Variants in GLG1 observed in about 807,000 individuals in gnomAD.
GLG1 encodes Golgi apparatus protein 1.
In GLG1, 38 loss-of-function variants were observed where a neutral mutation model predicts 160.5. That is an observed-to-expected ratio of 0.24 (90% CI 0.18 to 0.31). The LOEUF is 0.31. Ranked by LOEUF, GLG1 falls within the 10% of genes least tolerant of loss-of-function variation. GLG1 has a pLI of 1.00. For synonymous variants in GLG1, 644 were observed against 543.4 expected (o/e 1.19, Z -2.57); for missense variants, 1,373 against 1,505.2 (o/e 0.91, Z 1.45).
At chr16:74,596,399 TG>T (rs1166374317) in intron 1 of GLG1, among the ~76,000 whole-genome samples, 4 of 151,370 alleles carry the variant, frequency 2.6e-5, no homozygotes, top group African/African-American at 9.7e-5. Context: ...AGTGGTGGCG[TG>T]TGCCTGTAAA....
intron 1 of GLG1, among the ~76,000 whole-genome samples, chr16:74,548,440 T>C (rs145102812): frequency 0.13 from 20,088 of 152,158 alleles, 1,458 homozygotes; most frequent in Middle Eastern, 0.18. Flanking sequence ...ACACTTATAT[T>C]TAAGAAAGTT....
chr16:74,480,333 C>A lies in GLG1; in HGVS notation c.1735G>T (p.Gly579Cys). The A allele has an allele frequency of 6.2e-7, 1 of 1,613,318 alleles. No homozygotes were observed. The highest frequency in any genetic ancestry group is 1.7e-5 in the Admixed American group (1 of 60,016). ...GDASRLCHTHGWNETSEFMPQ... is the reference protein window; with the variant it reads ...GDASRLCHTHCWNETSEFMPQ... Reference sequence around the variant, plus strand: ...ATAAATTCACTGGTCTCATTCCAACCGTGGGTGTGGCAAAGACGAGAAGCG... The same window carrying A: ...ATAAATTCACTGGTCTCATTCCAACAGTGGGTGTGGCAAAGACGAGAAGCG... The change falls in exon 11 of 26, where the codon GGT becomes TGT. Residue 579 changes from glycine (G) to cysteine (C), a missense_variant. By Grantham distance (159) the Gly-to-Cys change is radical (BLOSUM62 -3). Coordinates refer to ENST00000422840, the MANE Select transcript of GLG1 (RefSeq NM_001145667.2).
intron 1 of GLG1, among the ~76,000 whole-genome samples, chr16:74,589,460 A>C (rs189286609): frequency 4.4e-4 from 67 of 152,310 alleles, no homozygotes; most frequent in African/African-American, 1.6e-3. Flanking sequence ...ATTTTGGTGC[A>C]GCAAATTCCC....
intron 1 of GLG1, among the ~76,000 whole-genome samples, chr16:74,555,549 G>C (rs1387285113): frequency 1.3e-5 from 2 of 151,978 alleles, no homozygotes; most frequent in East Asian, 3.9e-4. Context: ...GATTGGCCAG[G>C]TGTGGTGGTG....
rs554255168 is a variant in GLG1, at chr16:74,545,959, G to A, written c.439-13806C>T. 5.5e-4 allele frequency among the ~76,000 whole-genome samples: 83 copies of A among 152,270 alleles called. 1 individual carries two copies. Among genetic ancestry groups the A allele is most frequent in the Middle Eastern group, 6.8e-3 (2 of 294 alleles). ...TTCAATAACTCAGTTTAAATGTCAT[G>A]CATTTGTCTGAGTTTGTTACTGAAA... is the stretch of plus-strand genomic sequence containing the variant. On this transcript the variant is annotated intron_variant, in intron 1 of 25. Coordinates refer to ENST00000422840, the MANE Select transcript of GLG1 (RefSeq NM_001145667.2).
At chr16:74,469,446 G>A (rs2015119478) in intron 16 of GLG1, 1 of 210,158 alleles carries the variant, frequency 4.8e-6, no homozygotes. Context: ...GAGCAAATTG[G>A]GAATTTGGTT....
chr16:74,565,580 G>A (rs576089931), intron 1 of GLG1, among the ~76,000 whole-genome samples: 1 of 152,280 alleles, frequency 6.6e-6, no homozygotes, highest in East Asian at 1.9e-4. Context: ...GTTCAGATAA[G>A]CCAAAGGCCC....
At chr16:74,471,462 G>A (rs2015205575) in intron 14 of GLG1, among the ~76,000 whole-genome samples, 176 bp from the exon 15 acceptor site, 1 of 152,020 alleles carries the variant, frequency 6.6e-6, no homozygotes, top group South Asian at 2.1e-4. Context: ...ACATTCAGTG[G>A]CATAAAACTA....
At position 74,452,808 on chromosome 16, in the gene GLG1, T is replaced by A. The variant is rs568378428; in HGVS notation, c.*359A>T. ...ATATACATTTTTTTCTTTAAAAAAA[T>A]TTTTTTTTTTGGTGGTTTTCTTAAA... is the stretch of plus-strand genomic sequence containing the variant. On this transcript the variant is annotated 3_prime_UTR_variant, in exon 26 of 26. Coordinates refer to ENST00000422840, the MANE Select transcript of GLG1 (RefSeq NM_001145667.2). The A allele has an allele frequency of 1.8e-3, 1,324 of 732,190 alleles. 6 individuals are homozygous for A. The highest frequency in any genetic ancestry group is 0.012 in the African/African-American group (655 of 52,508). 45.4% of individuals were successfully genotyped at this position (732,190 alleles called of 1,614,324 possible).
At chr16:74,603,515 A>G (rs1958492346) in intron 1 of GLG1, among the ~76,000 whole-genome samples, 1 of 152,094 alleles carries the variant, frequency 6.6e-6, no homozygotes, top group Non-Finnish European at 1.5e-5. Flanking sequence ...AGCTCAAGCA[A>G]TCCTCCTGCC....
chr16:74,551,703 G>A (rs1198663339), intron 1 of GLG1, among the ~76,000 whole-genome samples: 3 of 151,468 alleles, frequency 2.0e-5, no homozygotes, highest in African/African-American at 7.3e-5. Flanking sequence ...ATGGGGGGAG[G>A]GGGACCTGCC....
chr16:74,458,646 C>T (rs979060472), intron 23 of GLG1, among the ~76,000 whole-genome samples: 2 of 152,098 alleles, frequency 1.3e-5, no homozygotes, highest in Non-Finnish European at 2.9e-5. Context: ...TGCACTCCAT[C>T]CTGGGAGACA....
In GLG1 at chr16:74,485,909, T is replaced by C. The variant is rs76382044; in HGVS notation, c.1458A>G (p.Thr486=). 0.025 allele frequency: 40,876 copies of C among 1,609,240 alleles called. 655 individuals are homozygous for C. Among genetic ancestry groups the C allele is most frequent in the South Asian group, 0.036 (3,229 of 90,256 alleles). The change falls in exon 9 of 26, where the codon ACA becomes ACG. Residue 486 remains threonine, a synonymous_variant. Transcript: ENST00000422840. ...LGMNCQQALQ[T]LIQETDPGAD... ...CACCAGGGTCAGTCTCCTGAATCAGTGTTTGAAGCTGAATTAAAATAAATT... is the reference window on the plus strand; with the variant it reads ...CACCAGGGTCAGTCTCCTGAATCAGCGTTTGAAGCTGAATTAAAATAAATT...
intron 1 of GLG1, among the ~76,000 whole-genome samples, chr16:74,585,929 G>T (rs956026624): frequency 6.6e-6 from 1 of 151,334 alleles, no homozygotes; most frequent in Admixed American, 6.6e-5. Flanking sequence ...CAGGTGTAGT[G>T]GCGGGTGCCT....
intron 19 of GLG1, among the ~76,000 whole-genome samples, chr16:74,464,835 T>A (rs1269380951): frequency 3.3e-5 from 5 of 151,730 alleles, no homozygotes; most frequent in South Asian, 2.1e-4. Flanking sequence ...AGTTTAAGTT[T>A]AAAAAAAATT....
chr16:74,454,948 T>C (rs1451055570), intron 25 of GLG1, among the ~76,000 whole-genome samples: 1 of 151,238 alleles, frequency 6.6e-6, no homozygotes, highest in Non-Finnish European at 1.5e-5. Flanking sequence ...CACAAAAAAT[T>C]ATAAAATTAG....
At chr16:74,484,447 T>C (rs752306956) in intron 9 of GLG1, among the ~76,000 whole-genome samples, 3 of 152,020 alleles carry the variant, frequency 2.0e-5, no homozygotes, top group Non-Finnish European at 4.4e-5. Context: ...ATTACAGGTA[T>C]GCGCCACCAA....
Position 74,576,776 on chromosome 16 carries a change from T to C in GLG1, c.438+29881A>G, listed in dbSNP as rs142855491. Among the ~76,000 whole-genome samples the C allele has an allele frequency of 7.9e-4, 121 of 152,214 alleles. 3 individuals carry two copies. In the East Asian group the frequency reaches 0.021, roughly 26 times the overall value. ...ATAATGAAGCCTGCTGAAGAAAAAA[T>C]TTTTATTGTTTTCATTTTAAATATA... On this transcript the variant is annotated intron_variant, in intron 1 of 25. Coordinates refer to ENST00000422840, the MANE Select transcript of GLG1 (RefSeq NM_001145667.2).
chr16:74,502,436 T>C (rs920338429), intron 4 of GLG1, among the ~76,000 whole-genome samples: 5 of 152,198 alleles, frequency 3.3e-5, no homozygotes, highest in Non-Finnish European at 7.3e-5. Flanking sequence ...ATTAATAATA[T>C]ATCACATTTA....
Sources: gnomAD v4.1 joint callset for allele counts (sites outside exome capture counted in the v4.1 genomes callset) on GRCh38, gnomAD v4.1.1 for gene constraint, MANE v1.5 for transcripts, NCBI Gene and HGNC (gene_info 2026-07-23, HGNC 2026-07-21) for gene names.